GCC2: variants seen among roughly 807,000 people sequenced by gnomAD.
The protein encoded by GCC2 is GRIP and coiled-coil domain-containing protein 2.
In GCC2, 120 loss-of-function variants were observed where a neutral mutation model predicts 210.6. The observed-to-expected ratio is 0.57, with a 90% CI of 0.49 to 0.66. The LOEUF is 0.66. GCC2 is among the 30% of genes least tolerant of loss of function. The pLI is 0.00. For missense variants in GCC2, 1,868 were observed against 1,871.9 expected, an observed-to-expected ratio of 1.00 and a Z score of 0.04; for synonymous variants, 703 against 652.7, an observed-to-expected ratio of 1.08 and a Z score of -1.17.
intron 18 of GCC2, among the ~76,000 whole-genome samples, chr2:108,490,777 A>AT (rs1257054912): frequency 6.6e-6 from 1 of 152,186 alleles, no homozygotes; most frequent in East Asian, 1.9e-4. Context: ...TTACCATGAG[A>AT]TTATCTTATA....
chr2:108,450,958 A>G (rs926470468), intron 2 of GCC2, 70 bp from the exon 3 acceptor site: 1 of 929,586 alleles, frequency 1.1e-6, no homozygotes, highest in Admixed American at 2.1e-5. Flanking sequence ...TCTAGCAGAC[A>G]TTGTTTCTTT....
chr2:108,470,568 A>G lies in GCC2; in HGVS notation c.1239A>G (p.Lys413=). Residue 413 remains lysine (K), a synonymous_variant, in exon 6 of 23, where the codon AAA becomes AAG. Transcript: ENST00000309863. ...AATCTGAGCTAGCAGGTTTAAATAA[A>G]CAGTTTTGCTATACTGTAGAACAGC... ...KLKSELAGLN[K]QFCYTVEQHN... is the part of the protein sequence containing the mutation. 1.2e-6 allele frequency: 2 copies of G among 1,608,032 alleles called. No individual in the cohort carries two copies. The highest frequency in any genetic ancestry group is 2.7e-5 in the African/African-American group (2 of 74,578).
intron 22 of GCC2, among the ~76,000 whole-genome samples, chr2:108,506,652 G>T (rs1683201963): frequency 6.6e-6 from 1 of 152,188 alleles, no homozygotes. Context: ...TTTTGGTTCA[G>T]TTTTAAGGTT....
chr2:108,497,817 G>T (rs1254979891), intron 21 of GCC2, among the ~76,000 whole-genome samples: 9 of 152,134 alleles, frequency 5.9e-5, no homozygotes, highest in Non-Finnish European at 1.5e-5. Context: ...TATGACCCAG[G>T]CCCTGGGCTC....
intron 4 of GCC2, among the ~76,000 whole-genome samples, chr2:108,455,458 C>T (rs1238448049): frequency 6.6e-6 from 1 of 152,008 alleles, no homozygotes; most frequent in Non-Finnish European, 1.5e-5. Context: ...AAAAAATTCT[C>T]CAAGTTAGCC....
At chr2:108,484,397 C>A in intron 13 of GCC2, 86 bp downstream of exon 13, 1 of 716,092 alleles carries the variant, frequency 1.4e-6, no homozygotes. Context: ...TTTATTTCAC[C>A]AGTCTTTCAC....
chr2:108,468,978 A>C lies in GCC2; in HGVS notation c.217-2A>C. 6.3e-7 allele frequency: 1 copy of C among 1,588,158 alleles called. No homozygotes were observed. The highest frequency in any genetic ancestry group is 8.6e-7 in the Non-Finnish European group (1 of 1,156,978). The stretch of plus-strand genomic sequence containing the variant: ...AGGCAAATAAATCTTGTTCTAAAAT[A>C]GGCATTAACTGAACGTCTGGATGCT... On this transcript the variant is annotated splice_acceptor_variant, in intron 4 of 22. Coordinates refer to ENST00000309863, the MANE Select transcript of GCC2 (RefSeq NM_181453.4). LOFTEE classifies it high-confidence loss of function.
chr2:108,482,186 T>C, intron 10 of GCC2, 101 bp from the exon 11 acceptor site: 1 of 693,550 alleles, frequency 1.4e-6, no homozygotes, highest in South Asian at 2.1e-5. Context: ...AATCTTCATT[T>C]GTCACACTAT....
In GCC2 at chr2:108,471,038, T is replaced by G. The variant is rs1361609748; in HGVS notation, c.1709T>G (p.Val570Gly). The G allele has an allele frequency of 4.4e-6, 7 of 1,602,646 alleles. No homozygotes were observed. The highest frequency in any genetic ancestry group is 1.7e-5 in the Admixed American group (1 of 59,638). ...AAGAACCTTCAAGAAAAGAATGGAG[T>G]ATACTTACTTAGTCTCAGTCAAAGA... Reference protein sequence around the residue: ...TIKNLQEKNGVYLLSLSQRDT... With the variant: ...TIKNLQEKNGGYLLSLSQRDT... Residue 570 changes from valine (V) to glycine (G), a missense_variant, in exon 6 of 23, where the codon GTA (valine) becomes GGA (glycine). By Grantham distance (109) the Val-to-Gly change is moderately radical (BLOSUM62 -3). Around this residue, in one of 3 missense-constraint regions of GCC2, gnomAD observed 1,847 missense variants for 1,765.2 expected, o/e 1.05. Transcript: ENST00000309863.
Position 108,505,187 on chromosome 2 carries a change from T to G in GCC2, c.4985-2373T>G, listed in dbSNP as rs541039817. Among the ~76,000 whole-genome samples, 396 of 152,366 alleles carry G rather than the reference T, an allele frequency of 2.6e-3. 2 individuals carry two copies. Among genetic ancestry groups the G allele is most frequent in the Non-Finnish European group, 4.2e-3 (287 of 68,036 alleles). Reference sequence around the variant, plus strand: ...TTTTGTCAAAAATCTTATATTCAGCTTACACCATTCATTTCAGGGGAACAT... The same window carrying G: ...TTTTGTCAAAAATCTTATATTCAGCGTACACCATTCATTTCAGGGGAACAT... On this transcript the variant is annotated intron_variant, in intron 22 of 22. Transcript: ENST00000309863.
intron 9 of GCC2, among the ~76,000 whole-genome samples, chr2:108,478,601 C>T (rs892989723): frequency 4.6e-5 from 7 of 152,172 alleles, no homozygotes; most frequent in African/African-American, 1.7e-4. Context: ...GGAAAGTAGA[C>T]TCTTGTATGC....
At chr2:108,493,984 A>T in intron 19 of GCC2, 2 of 923,342 alleles carry the variant, frequency 2.2e-6, no homozygotes, top group Non-Finnish European at 2.6e-6. Flanking sequence ...CTGGTTTCTA[A>T]CTCAGTTATG....
chr2:108,480,674 C>G (rs762170405), intron 9 of GCC2, among the ~76,000 whole-genome samples: 1 of 152,156 alleles, frequency 6.6e-6, no homozygotes, highest in Non-Finnish European at 1.5e-5. Context: ...ACCACATGTT[C>G]TCACTTATAA....
At chr2:108,501,434 A>AT (rs1443083919) in intron 22 of GCC2, among the ~76,000 whole-genome samples, 1 of 152,170 alleles carries the variant, frequency 6.6e-6, no homozygotes, top group African/African-American at 2.4e-5. Flanking sequence ...CTAATTGCCT[A>AT]TAAATAGGAA....
chr2:108,471,462 T>C lies in GCC2; in HGVS notation c.2133T>C (p.Phe711=), dbSNP rs776466243. ...KKQLSRDLEV[F]LSQKEDVILK... ...AGTTGAGTAGGGATTTGGAGGTTTT[T>C]TTGTCTCAAAAAGAAGATGTTATCC... The change falls in exon 6 of 23, where the codon TTT becomes TTC. Residue 711 remains phenylalanine (F), a synonymous_variant. Transcript: ENST00000309863. The C allele has an allele frequency of 2.4e-5, 38 of 1,610,004 alleles. 1 individual carries two copies. The highest frequency in any genetic ancestry group is 2.0e-4 in the South Asian group (18 of 89,822).
chr2:108,470,001 G>A lies in GCC2; in HGVS notation c.672G>A (p.Glu224=). The part of the protein sequence containing the change: ...ETVTQLQNII[E]ANSQHYQKNI... ...TTACTCAACTCCAAAATATCATTGAGGCTAATTCTCAGCATTACCAAAAAA... is the reference window on the plus strand; with the variant it reads ...TTACTCAACTCCAAAATATCATTGAAGCTAATTCTCAGCATTACCAAAAAA... The change falls in exon 6 of 23, where the codon GAG becomes GAA. Residue 224 remains glutamate (E), a synonymous_variant. Transcript: ENST00000309863. 1 of 1,612,672 alleles carries A rather than the reference G, an allele frequency of 6.2e-7. No homozygotes were observed. The highest frequency in any genetic ancestry group is 2.2e-5 in the East Asian group (1 of 44,838).
intron 4 of GCC2, among the ~76,000 whole-genome samples, chr2:108,466,198 C>T (rs926304750): frequency 1.3e-5 from 2 of 151,988 alleles, no homozygotes; most frequent in African/African-American, 2.4e-5. Flanking sequence ...TTGTCAGATG[C>T]GTAGTTTGCA....
chr2:108,470,268 T>C lies in GCC2; in HGVS notation c.939T>C (p.Asn313=). ...CCACCTCAAATGCAAACCAAGACAA[T>C]CAGATATGTTCTATTCTCTTGCAAG... ...RKATSNANQD[N]QICSILLQEN... Residue 313 remains asparagine (N), a synonymous_variant, in exon 6 of 23, where the codon AAT becomes AAC. Coordinates refer to ENST00000309863, the MANE Select transcript of GCC2 (RefSeq NM_181453.4). 5.0e-6 allele frequency: 8 copies of C among 1,613,450 alleles called. No homozygotes were observed. Among genetic ancestry groups the C allele is most frequent in the Non-Finnish European group, 6.8e-6 (8 of 1,179,760 alleles).
At chr2:108,449,583 GA>G in intron 1 of GCC2, 49 bp from the exon 2 acceptor site, 1 of 1,542,488 alleles carries the variant, frequency 6.5e-7, no homozygotes, top group Non-Finnish European at 9.0e-7. Flanking sequence ...GTTCCGTGTG[GA>G]ATTAGGAAAA....
Sources: gnomAD v4.1 joint callset for allele counts (sites outside exome capture counted in the v4.1 genomes callset) on GRCh38, gnomAD v4.1.1 for gene constraint, gnomAD v4.1.1 regional missense constraint, MANE v1.5 for transcripts, NCBI Gene and HGNC (gene_info 2026-07-23, HGNC 2026-07-21) for gene names.